The following CEACAM19 variants were observed in gnomAD, a reference collection of about 807,000 sequenced individuals.
CEACAM19 encodes CEA cell adhesion molecule 19.
In CEACAM19, 37 loss-of-function variants were observed where a neutral mutation model predicts 37.6. The observed-to-expected ratio is 0.98, with a 90% CI of 0.76 to 1.29. The LOEUF is 1.29. CEACAM19 is among the 50% of genes most tolerant of loss of function. CEACAM19 has a pLI of 0.00. For synonymous variants in CEACAM19, 140 were observed against 149.8 expected (o/e 0.93, Z 0.48); for missense variants, 340 against 375.6 (o/e 0.91, Z 0.78).
intron 3 of CEACAM19, chr19:44,678,306 A>G (rs1973989092): frequency 1.3e-5 from 2 of 152,056 alleles, no homozygotes; most frequent in African/African-American, 4.8e-5. Flanking sequence ...TTTTTGTAAA[A>G]ATAAGATCTC....
At chr19:44,683,082 CTCA>C in intron 7 of CEACAM19, 1 of 251,232 alleles carries the variant, frequency 4.0e-6, no homozygotes, top group South Asian at 1.1e-4. Flanking sequence ...CTCTCTCTCT[CTCA>C]GTTTCTCTTG....
intron 2 of CEACAM19, among the ~76,000 whole-genome samples, chr19:44,674,983 G>C (rs1973920924): frequency 1.3e-5 from 2 of 152,054 alleles, no homozygotes; most frequent in African/African-American, 4.8e-5. Flanking sequence ...TATGATCCCA[G>C]CACTGCACTT....
At position 44,681,271 on chromosome 19, in the gene CEACAM19, G is replaced by A. The variant is rs1324631159; in HGVS notation, c.751G>A (p.Val251Met). The A allele has an allele frequency of 3.1e-6, 5 of 1,613,986 alleles. 1 individual carries two copies. The Admixed American group carries it at 8.3e-5, about 27-fold the overall frequency. Residue 251 changes from valine to methionine, a missense_variant, in exon 6 of 8, where the codon GTG (valine) becomes ATG (methionine). Coordinates refer to ENST00000358777, the MANE Select transcript of CEACAM19 (RefSeq NM_001127893.3). ...AGTGATGCCCTCTCCAGTCCTCCTG[G>A]TGTCCCCCATCAGTGACACAAGGTC... is the stretch of plus-strand genomic sequence containing the variant. ...YEVMPSPVLL[V>M]SPISDTRSIN...
In CEACAM19 at chr19:44,672,780, C is replaced by T. The variant is rs766275286; in HGVS notation, c.240C>T (p.Tyr80=). Residue 80 remains tyrosine, a synonymous_variant, in exon 2 of 8, where the codon TAC becomes TAT. Coordinates refer to ENST00000358777, the MANE Select transcript of CEACAM19 (RefSeq NM_001127893.3). ...ACGGAGGCACGAGGCTATTTACCTA[C>T]ATCCCTGGGATACAACGGCCTCAGA... ...ETYGGTRLFT[Y]IPGIQRPQRD... 2.3e-5 allele frequency: 37 copies of T among 1,584,156 alleles called. No homozygotes were observed. Among genetic ancestry groups the T allele is most frequent in the Non-Finnish European group, 3.1e-5 (36 of 1,164,496 alleles).
upstream of CEACAM19, among the ~76,000 whole-genome samples, chr19:44,668,500 AT>A (rs1457782513): frequency 1.8e-5 from 1 of 57,014 alleles, no homozygotes; most frequent in Non-Finnish European, 2.9e-5. Context: ...TATATTATAT[AT>A]ATTATATATT....
chr19:44,679,515 C>T (rs758414497), intron 4 of CEACAM19, among the ~76,000 whole-genome samples: 1 of 151,966 alleles, frequency 6.6e-6, no homozygotes, highest in African/African-American at 2.4e-5. Flanking sequence ...TTTGGGAGGC[C>T]GAGGCTGGCG....
chr19:44,670,781 GAAAA>G (rs74691226), upstream of CEACAM19, among the ~76,000 whole-genome samples: 239 of 58,132 alleles, frequency 4.1e-3, 1 homozygote, highest in Middle Eastern at 0.015. Flanking sequence ...CCTGTCTCAA[GAAAA>G]AAAAAAAAAA....
chr19:44,682,373 G>A (rs1196668296), intron 6 of CEACAM19, among the ~76,000 whole-genome samples, 194 bp from the exon 7 acceptor site: 1 of 152,198 alleles, frequency 6.6e-6, no homozygotes, highest in Non-Finnish European at 1.5e-5. Flanking sequence ...GATACCACAC[G>A]AAGCTGGGGC....
At position 44,684,072 on chromosome 19, in the gene CEACAM19, C is replaced by T. The variant is rs1428376019; in HGVS notation, c.*582C>T. On this transcript the variant is annotated 3_prime_UTR_variant, in exon 8 of 8. Transcript: ENST00000358777. ...CAGGCAGGCCCAGCCCCTCTCAGAA[C>T]CTGCTGCCAGCTGCTGGTCTTGGCC... 2 of 152,614 alleles carry T rather than the reference C, an allele frequency of 1.3e-5. No homozygotes were observed. Among genetic ancestry groups the T allele is most frequent in the Non-Finnish European group, 2.9e-5 (2 of 68,348 alleles). The allele number at this position is 152,614 out of a possible 1,614,324, so 9.5% of individuals were successfully genotyped here. A position where few individuals can be genotyped will look rare whatever the true frequency, so the allele number is the denominator to read the frequency against.
At chr19:44,680,086 G>T (rs1392765505) in intron 4 of CEACAM19, among the ~76,000 whole-genome samples, 6 of 152,088 alleles carry the variant, frequency 3.9e-5, no homozygotes, top group Non-Finnish European at 5.9e-5. Flanking sequence ...GGCATAAGGT[G>T]GTGGCTAGGG....
At chr19:44,679,977 T>C (rs1974025566) in intron 4 of CEACAM19, among the ~76,000 whole-genome samples, 1 of 152,008 alleles carries the variant, frequency 6.6e-6, no homozygotes, top group Admixed American at 6.6e-5. Context: ...AATGAATCTA[T>C]GTAAAGAGAA....
At position 44,683,173 on chromosome 19, in the gene CEACAM19, T is replaced by C. The variant is rs544887638; in HGVS notation, c.847-264T>C. The C allele has an allele frequency of 1.5e-5, 6 of 400,486 alleles. No homozygotes were observed. The South Asian group carries it at 3.1e-4, about 21-fold the overall frequency. The allele number at this position is 400,486 out of a possible 1,614,324, so 24.8% of individuals were successfully genotyped here. A position where few individuals can be genotyped will look rare whatever the true frequency, so the allele number is the denominator to read the frequency against. On this transcript the variant is annotated intron_variant, in intron 7 of 7. Coordinates refer to ENST00000358777, the MANE Select transcript of CEACAM19 (RefSeq NM_001127893.3). ...TCTAAGATGCATCTCTTTACATGTCTTCGTTTCTCTGCATCTCTGTCTCTC... is the reference window on the plus strand; with the variant it reads ...TCTAAGATGCATCTCTTTACATGTCCTCGTTTCTCTGCATCTCTGTCTCTC...
chr19:44,670,700 C>T (rs568628963), upstream of CEACAM19, among the ~76,000 whole-genome samples: 127 of 140,886 alleles, frequency 9.0e-4, no homozygotes, highest in African/African-American at 3.3e-3. Context: ...ACAAAATATT[C>T]TTGCAATTAT....
upstream of CEACAM19, among the ~76,000 whole-genome samples, chr19:44,666,544 C>T (rs934362238): frequency 1.3e-5 from 2 of 152,148 alleles, no homozygotes; most frequent in African/African-American, 2.4e-5. Context: ...GTGGCGTGCG[C>T]CTATAGTCCC....
upstream of CEACAM19, among the ~76,000 whole-genome samples, chr19:44,671,012 C>A (rs949342738): frequency 6.6e-6 from 1 of 152,050 alleles, no homozygotes; most frequent in African/African-American, 2.4e-5. Flanking sequence ...ATCGCTTGAA[C>A]CCAGGTGGCA....
In CEACAM19 at chr19:44,672,756, C is replaced by A. The variant is rs35695969; in HGVS notation, c.216C>A (p.Tyr72Ter). The A allele has an allele frequency of 6.3e-7, 1 of 1,581,600 alleles. No individual in the cohort carries two copies. The highest frequency in any genetic ancestry group is 1.3e-5 in the African/African-American group (1 of 74,142). ...DFNWYLGEET[Y>*]GGTRLFTYIP... ...ACTGGTACCTGGGGGAGGAGACGTA[C>A]GGAGGCACGAGGCTATTTACCTACA... Residue 72 changes from tyrosine (Y) to a stop codon, truncating the protein, a stop_gained, in exon 2 of 8, where the codon TAC becomes TAA. Transcript: ENST00000358777. LOFTEE classifies it high-confidence loss of function.
upstream of CEACAM19, among the ~76,000 whole-genome samples, chr19:44,668,472 TATAA>T (rs1973787697): frequency 1.7e-5 from 1 of 60,172 alleles, no homozygotes; most frequent in Non-Finnish European, 2.7e-5. Flanking sequence ...ATATATATAA[TATAA>T]TATATATATT....
In CEACAM19 at chr19:44,683,499, G is replaced by GGGCCA; in HGVS notation, c.*16_*20dup. The GGGCCA allele has an allele frequency of 6.5e-7, 1 of 1,534,416 alleles. No individual in the cohort carries two copies. Among genetic ancestry groups the GGGCCA allele is most frequent in the Non-Finnish European group, 8.8e-7 (1 of 1,135,026 alleles). ...TGGTGCCAACTTCCTGATGGGTCCT[G>GGGCCA]GGCCAGGCCAGCCAGGGAGAAGACA... is the stretch of plus-strand genomic sequence containing the variant. On this transcript the variant is annotated 3_prime_UTR_variant, in exon 8 of 8. Coordinates refer to ENST00000358777, the MANE Select transcript of CEACAM19 (RefSeq NM_001127893.3).
At chr19:44,669,109 C>A (rs1284956377), upstream of CEACAM19, among the ~76,000 whole-genome samples, 1 of 151,386 alleles carries the variant, frequency 6.6e-6, no homozygotes, top group Non-Finnish European at 1.5e-5. Context: ...CATGAGCCAC[C>A]ACGCCTGGCC....
Sources: gnomAD v4.1 joint callset for allele counts (sites outside exome capture counted in the v4.1 genomes callset) on GRCh38, gnomAD v4.1.1 for gene constraint, MANE v1.5 for transcripts, NCBI Gene and HGNC (gene_info 2026-07-23, HGNC 2026-07-21) for gene names.